Variants in COMMD1 observed in about 807,000 individuals in gnomAD.
COMMD1 encodes COMM domain-containing protein 1.
A neutral mutation model predicts 17.2 loss-of-function variants in COMMD1; 10 were observed. The observed-to-expected ratio is 0.58, with a 90% confidence interval of 0.36 to 0.99. The LOEUF (loss-of-function observed/expected upper bound fraction) is 0.99. COMMD1 is among the 50% of genes least tolerant of loss of function. The probability of loss-of-function intolerance (pLI) is 0.01; values close to 1 mark genes in which losing one functional copy is unlikely to be tolerated. For missense variants in COMMD1, 270 were observed against 231.8 expected (o/e 1.17, Z -1.07); for synonymous variants, 97 against 91.6 (o/e 1.06, Z -0.34).
At chr2:61,971,070 G>A (rs994598288) in intron 1 of COMMD1, among the ~76,000 whole-genome samples, 1 of 152,062 alleles carries the variant, frequency 6.6e-6, no homozygotes, top group African/African-American at 2.4e-5. Flanking sequence ...CGCCATGCCC[G>A]GCTAATTTTT....
At chr2:61,956,007 A>G (rs1172102638) in intron 1 of COMMD1, among the ~76,000 whole-genome samples, 2 of 152,190 alleles carry the variant, frequency 1.3e-5, no homozygotes, top group East Asian at 1.9e-4. Context: ...GGAATGAAAG[A>G]ATATTACTGT....
At chr2:61,968,261 C>G (rs1671557796) in intron 1 of COMMD1, among the ~76,000 whole-genome samples, 1 of 152,090 alleles carries the variant, frequency 6.6e-6, no homozygotes, top group Non-Finnish European at 1.5e-5. Flanking sequence ...TTGAAATTAG[C>G]ATACTTGTGA....
At chr2:61,932,261 T>G (rs764703747) in intron 1 of COMMD1, among the ~76,000 whole-genome samples, 3 of 152,226 alleles carry the variant, frequency 2.0e-5, no homozygotes, top group Non-Finnish European at 4.4e-5. Flanking sequence ...ACAAGTGGAT[T>G]TATAAATCCA....
intron 2 of COMMD1, among the ~76,000 whole-genome samples, chr2:62,048,434 C>T (rs1181751235): frequency 2.6e-5 from 4 of 151,866 alleles, no homozygotes; most frequent in Non-Finnish European, 4.4e-5. Flanking sequence ...GTGATCCGCC[C>T]GCCTCGCCCT....
intron 1 of COMMD1, among the ~76,000 whole-genome samples, chr2:61,957,143 G>C (rs180901397): frequency 1.8e-3 from 269 of 151,172 alleles, no homozygotes; most frequent in African/African-American, 5.5e-3. Context: ...AAGAGATGTG[G>C]TCTCGCTTGT....
chr2:61,938,802 G>A (rs1282804885), intron 1 of COMMD1, among the ~76,000 whole-genome samples: 1 of 151,990 alleles, frequency 6.6e-6, no homozygotes, highest in East Asian at 1.9e-4. Context: ...CCATAATTTT[G>A]GTTTCCTTGT....
chr2:61,968,046 A>G (rs1466063263), intron 1 of COMMD1, among the ~76,000 whole-genome samples: 1 of 152,150 alleles, frequency 6.6e-6, no homozygotes, highest in African/African-American at 2.4e-5. Context: ...CTGTAATCCC[A>G]GCTACTTGGG....
At chr2:62,109,919 CTTTTTTTTT>C (rs11345736) in intron 2 of COMMD1, among the ~76,000 whole-genome samples, 4 of 73,854 alleles carry the variant, frequency 5.4e-5, no homozygotes, top group Non-Finnish European at 7.3e-5. Flanking sequence ...TTATCTTGAT[CTTTTTTTTT>C]TTTTTTTTTT....
At chr2:61,942,895 A>G (rs1478722237) in intron 1 of COMMD1, among the ~76,000 whole-genome samples, 1 of 152,150 alleles carries the variant, frequency 6.6e-6, no homozygotes, top group African/African-American at 2.4e-5. Context: ...GGCCAAAAAC[A>G]CATAACAGAA....
chr2:62,089,963 G>C (rs1671776533), intron 2 of COMMD1, among the ~76,000 whole-genome samples: 1 of 152,194 alleles, frequency 6.6e-6, no homozygotes, highest in African/African-American at 2.4e-5. Flanking sequence ...CTCATTCCTA[G>C]AGTAGTCTGG....
intron 2 of COMMD1, among the ~76,000 whole-genome samples, chr2:62,021,014 A>C (rs924194019): frequency 2.6e-5 from 4 of 152,242 alleles, no homozygotes; most frequent in Middle Eastern, 3.4e-3. Context: ...AAAAAAAAAA[A>C]AAAACTCTAC....
chr2:61,982,828 G>T (rs1671993119), intron 1 of COMMD1, among the ~76,000 whole-genome samples: 1 of 152,098 alleles, frequency 6.6e-6, no homozygotes, highest in Non-Finnish European at 1.5e-5. Flanking sequence ...CACATTGATT[G>T]ATTTGTGTAT....
rs141192307 is a variant in COMMD1, at chr2:62,088,142, T to C, written c.463-47689T>C. Among the ~76,000 whole-genome samples the C allele has an allele frequency of 3.8e-3, 575 of 152,328 alleles. 5 individuals are homozygous for C. The highest frequency in any genetic ancestry group is 0.013 in the African/African-American group (541 of 41,572). On this transcript the variant is annotated intron_variant, in intron 2 of 2. Transcript: ENST00000311832. ...CTCCTGTTTCCTCTTCCTTTCTTTT[T>C]TTCTGTCTCCTTCATTGATGTCTTC...
chr2:62,019,023 T>TCCCTCCCTCCCTCCCTCCCTCCC (rs1669531579), intron 2 of COMMD1, among the ~76,000 whole-genome samples: 10 of 129,410 alleles, frequency 7.7e-5, no homozygotes, highest in South Asian at 7.0e-4. Flanking sequence ...ACCAACCAAC[T>TCCCTCCCTCCCTCCCTCCCTCCC]TCCCTCCCTC....
chr2:61,916,256 C>G (rs1670049153), intron 1 of COMMD1, among the ~76,000 whole-genome samples: 1 of 152,162 alleles, frequency 6.6e-6, no homozygotes, highest in African/African-American at 2.4e-5. Context: ...ACCACCACAC[C>G]TGGTCTCTTC....
At chr2:62,095,178 T>G (rs1288790852) in intron 2 of COMMD1, among the ~76,000 whole-genome samples, 2 of 152,184 alleles carry the variant, frequency 1.3e-5, no homozygotes, top group African/African-American at 2.4e-5. Context: ...TACATCAAAC[T>G]ACTAGAAATG....
intron 2 of COMMD1, among the ~76,000 whole-genome samples, chr2:62,090,188 C>T (rs1191796536): frequency 1.3e-5 from 2 of 151,608 alleles, no homozygotes; most frequent in Admixed American, 1.3e-4. Context: ...ATAACATTTA[C>T]AAGAGATATA....
intron 1 of COMMD1, among the ~76,000 whole-genome samples, chr2:61,973,619 T>C (rs1033775580): frequency 2.6e-5 from 4 of 152,224 alleles, no homozygotes; most frequent in African/African-American, 9.6e-5. Flanking sequence ...ATATTTTTCA[T>C]ACTGCTATTT....
chr2:61,933,819 A>G (rs1470964198), intron 1 of COMMD1, among the ~76,000 whole-genome samples: 1 of 149,688 alleles, frequency 6.7e-6, no homozygotes, highest in Non-Finnish European at 1.5e-5. Flanking sequence ...GCTGGAGTGC[A>G]ATGGTGTGAT....
Sources: allele counts gnomAD v4.1 joint callset (sites outside exome capture counted in the v4.1 genomes callset), GRCh38; gene constraint gnomAD v4.1.1; transcripts MANE v1.5; gene names NCBI Gene and HGNC (gene_info 2026-07-23, HGNC 2026-07-21).